The following RHBDD1 variants were observed in gnomAD, a reference collection of about 807,000 sequenced individuals.
RHBDD1 encodes rhomboid domain containing 1.
A neutral mutation model predicts 36.3 loss-of-function variants in RHBDD1; 38 were observed. The observed-to-expected ratio is 1.05, with a 90% confidence interval of 0.81 to 1.37. The LOEUF is 1.37. Ranked by LOEUF, RHBDD1 falls within the 40% of genes most tolerant of loss-of-function variation. The pLI is 0.00. For synonymous variants in RHBDD1, 151 were observed against 136.5 expected (o/e 1.11, Z -0.74); for missense variants, 393 against 377.6 (o/e 1.04, Z -0.34).
At chr2:226,894,408 T>C (rs2125526900) in intron 5 of RHBDD1, among the ~76,000 whole-genome samples, 1 of 152,244 alleles carries the variant, frequency 6.6e-6, no homozygotes, top group Admixed American at 6.5e-5. Context: ...TAGCTGAGAT[T>C]TACAGGCGTG....
Position 226,908,852 on chromosome 2 carries a change from G to T in RHBDD1, c.686G>T (p.Gly229Val). The T allele has an allele frequency of 6.2e-7, 1 of 1,607,420 alleles. No individual in the cohort carries two copies. Among genetic ancestry groups the T allele is most frequent in the South Asian group, 1.1e-5 (1 of 90,908 alleles). The change falls in exon 7 of 9, where the codon GGA (glycine) becomes GTA (valine). Residue 229 changes from glycine to valine, a missense_variant. Transcript: ENST00000392062. The part of the protein sequence containing the change: ...GGFSSSVGYP[G>V]RQYYFNSSGS... ...TTTTCCTCCAGTGTTGGTTACCCAGGACGGCAATACTACTTTAATAGTTCA... is the reference window on the plus strand; with the variant it reads ...TTTTCCTCCAGTGTTGGTTACCCAGTACGGCAATACTACTTTAATAGTTCA...
At chr2:226,981,407 T>A (rs1281011727) in intron 8 of RHBDD1, among the ~76,000 whole-genome samples, 3 of 151,660 alleles carry the variant, frequency 2.0e-5, no homozygotes, top group East Asian at 1.9e-4. Flanking sequence ...CTTCAAAAAA[T>A]TTTTTAAAAA....
At chr2:226,876,028 A>G (rs1393261827) in intron 5 of RHBDD1, among the ~76,000 whole-genome samples, 14 of 152,204 alleles carry the variant, frequency 9.2e-5, no homozygotes, top group Admixed American at 9.2e-4. Context: ...GCATGCAGCA[A>G]TGTACAGAAC....
chr2:226,957,032 T>C (rs1951831057), intron 8 of RHBDD1, among the ~76,000 whole-genome samples: 1 of 152,252 alleles, frequency 6.6e-6, no homozygotes. Flanking sequence ...CTTTGAAGTT[T>C]ATGGAATTTC....
At chr2:226,983,331 CTG>C (rs1483543877) in intron 8 of RHBDD1, among the ~76,000 whole-genome samples, 2 of 152,144 alleles carry the variant, frequency 1.3e-5, no homozygotes, top group African/African-American at 4.8e-5. Context: ...TCGAAGCATG[CTG>C]TGTTTTCTGC....
intron 8 of RHBDD1, among the ~76,000 whole-genome samples, chr2:226,920,507 G>A (rs909343437): frequency 1.3e-5 from 2 of 152,070 alleles, no homozygotes; most frequent in African/African-American, 4.8e-5. Context: ...CTTTCAACAT[G>A]ATACTAGCTG....
chr2:226,897,534 C>T (rs1405297152), intron 5 of RHBDD1, among the ~76,000 whole-genome samples: 2 of 152,134 alleles, frequency 1.3e-5, no homozygotes, highest in African/African-American at 4.8e-5. Flanking sequence ...ACAGTTCTAC[C>T]AGCTGGAAAG....
chr2:226,930,748 G>A (rs2396436), intron 8 of RHBDD1, among the ~76,000 whole-genome samples: 69,599 of 151,562 alleles, frequency 0.46, 16,157 homozygotes, highest in African/African-American at 0.53. Context: ...TCTGACAAAG[G>A]ACTAATATCC....
At position 226,998,923 on chromosome 2, in the gene RHBDD1, T is replaced by C. The variant is rs1960222020; in HGVS notation, c.*3401T>C. On this transcript the variant is annotated 3_prime_UTR_variant, in exon 9 of 9. Coordinates refer to ENST00000392062, the MANE Select transcript of RHBDD1 (RefSeq NM_001167608.3). ...GAGTGTTCCTGATCTTGTGACATTC[T>C]GTGCTGTGCTTTTACATGGAACAGC... 6.6e-6 allele frequency: 1 copy of C among 152,250 alleles called. No individual in the cohort carries two copies. Among genetic ancestry groups the C allele is most frequent in the African/African-American group, 2.4e-5 (1 of 41,442 alleles). 9.4% of individuals were successfully genotyped at this position (152,250 alleles called of 1,614,324 possible).
At chr2:226,935,939 A>T (rs1950301671) in intron 8 of RHBDD1, among the ~76,000 whole-genome samples, 1 of 152,138 alleles carries the variant, frequency 6.6e-6, no homozygotes, top group South Asian at 2.1e-4. Context: ...GGCAATTTTT[A>T]ATGTATGCAA....
At chr2:226,917,699 C>G (rs1326965200) in intron 8 of RHBDD1, among the ~76,000 whole-genome samples, 1 of 151,540 alleles carries the variant, frequency 6.6e-6, no homozygotes, top group Non-Finnish European at 1.5e-5. Flanking sequence ...CCCTTTTTTT[C>G]CTTCCTCCTA....
chr2:226,886,744 T>TA (rs1000210183), intron 5 of RHBDD1, among the ~76,000 whole-genome samples: 1 of 152,102 alleles, frequency 6.6e-6, no homozygotes, highest in Non-Finnish European at 1.5e-5. Flanking sequence ...GGAATTTTTT[T>TA]AAAAAAAGAT....
chr2:226,948,539 C>A (rs2149203346), intron 8 of RHBDD1, among the ~76,000 whole-genome samples: 1 of 112,114 alleles, frequency 8.9e-6, no homozygotes. Context: ...GCACAATGTG[C>A]ACATGTACCC....
upstream of RHBDD1, among the ~76,000 whole-genome samples, chr2:226,831,780 G>C (rs955321905): frequency 2.6e-5 from 4 of 151,106 alleles, no homozygotes; most frequent in African/African-American, 9.7e-5. Context: ...TTGGCAATTT[G>C]TGTCTGTCTA....
chr2:226,973,791 G>A (rs1954030591), intron 8 of RHBDD1, among the ~76,000 whole-genome samples: 1 of 152,212 alleles, frequency 6.6e-6, no homozygotes, highest in Non-Finnish European at 1.5e-5. Flanking sequence ...AGTGAAGTAG[G>A]TCGTATCTTT....
At chr2:226,891,640 G>C (rs528034816) in intron 5 of RHBDD1, among the ~76,000 whole-genome samples, 79 of 152,244 alleles carry the variant, frequency 5.2e-4, no homozygotes, top group African/African-American at 1.9e-3. Context: ...CCTAATGCTA[G>C]CAATCCTAGA....
chr2:226,857,694 G>A (rs1330483815), intron 3 of RHBDD1, among the ~76,000 whole-genome samples: 2 of 152,168 alleles, frequency 1.3e-5, no homozygotes, highest in African/African-American at 4.8e-5. Context: ...CATGTATTGT[G>A]TGACTTCATG....
chr2:226,833,497 C>T (rs1043077533), upstream of RHBDD1, among the ~76,000 whole-genome samples: 1 of 152,194 alleles, frequency 6.6e-6, no homozygotes, highest in Admixed American at 6.5e-5. Context: ...GTGCAAGCAC[C>T]ACATCTTAAA....
chr2:226,869,169 G>T (rs1944578059), intron 5 of RHBDD1: 1 of 985,140 alleles, frequency 1.0e-6, no homozygotes, highest in Admixed American at 6.1e-5. Context: ...ATGGAAAAGG[G>T]ATGGTTGCAT....
Sources: allele counts gnomAD v4.1 joint callset (sites outside exome capture counted in the v4.1 genomes callset), GRCh38; gene constraint gnomAD v4.1.1; transcripts MANE v1.5; gene names NCBI Gene and HGNC (gene_info 2026-07-23, HGNC 2026-07-21).